CADM1: variants seen among roughly 807,000 people sequenced by gnomAD.
CADM1 encodes the protein TSLC-1.
CADM1 carries 15 observed loss-of-function variants against 53.1 expected under a neutral mutation model. The ratio of observed to expected loss-of-function variants is 0.28; its 90% CI spans 0.19 to 0.44. The LOEUF (loss-of-function observed/expected upper bound fraction) is 0.44. Ranked by LOEUF, CADM1 falls within the 20% of genes least tolerant of loss-of-function variation. The pLI, the probability that CADM1 is intolerant of heterozygous loss-of-function variation, is 1.00. For synonymous variants in CADM1, 281 were observed against 243.0 expected (o/e 1.16, Z -1.45); for missense variants, 434 against 611.3 (o/e 0.71, Z 3.06).
chr11:115,343,674 C>CCTTTATTT (rs1945504565), intron 1 of CADM1, among the ~76,000 whole-genome samples: 1 of 151,094 alleles, frequency 6.6e-6, no homozygotes, highest in African/African-American at 2.4e-5. Context: ...CATCATTTAT[C>CCTTTATTT]CTTTATTTCT....
At chr11:115,376,439 T>G (rs1203362409) in intron 1 of CADM1, among the ~76,000 whole-genome samples, 2 of 152,120 alleles carry the variant, frequency 1.3e-5, no homozygotes, top group Admixed American at 1.3e-4. Context: ...CTACATAGTT[T>G]CTACAAAAAA....
rs1949810849 is a variant in CADM1, at chr11:115,504,408, C to G, written c.-14G>C. ...TACACTCGCCATGTCGGGCACCTGC[C>G]TCAGACTGGCGGCGTTGGCTGCCTC... On this transcript the variant is annotated 5_prime_UTR_variant, in exon 1 of 12. Coordinates refer to ENST00000331581, the MANE Select transcript of CADM1 (RefSeq NM_001301043.2). 6.5e-7 allele frequency: 1 copy of G among 1,543,578 alleles called. No individual in the cohort carries two copies.
intron 1 of CADM1, among the ~76,000 whole-genome samples, chr11:115,244,540 G>A (rs761912625): frequency 6.6e-6 from 1 of 152,136 alleles, no homozygotes; most frequent in Non-Finnish European, 1.5e-5. Context: ...GGAGTTTTCA[G>A]TATCCCCGCT....
At chr11:115,339,289 A>G (rs1251748070) in intron 1 of CADM1, among the ~76,000 whole-genome samples, 1 of 152,102 alleles carries the variant, frequency 6.6e-6, no homozygotes, top group Non-Finnish European at 1.5e-5. Context: ...GTATATACCC[A>G]AAGGACTATA....
chr11:115,431,637 T>C (rs1227423238), intron 1 of CADM1, among the ~76,000 whole-genome samples: 2 of 152,114 alleles, frequency 1.3e-5, no homozygotes, highest in Non-Finnish European at 2.9e-5. Context: ...CTCTCCTCTC[T>C]GCCCAGATCT....
intron 1 of CADM1, chr11:115,397,475 A>G (rs1947029722): frequency 6.6e-6 from 1 of 152,188 alleles, no homozygotes; most frequent in Admixed American, 6.5e-5. Context: ...TAGTACAGCT[A>G]AGCACAAGGC....
At chr11:115,190,378 T>C (rs964895593) in intron 10 of CADM1, among the ~76,000 whole-genome samples, 42 of 152,120 alleles carry the variant, frequency 2.8e-4, no homozygotes, top group African/African-American at 8.5e-4. Flanking sequence ...TACATCATGG[T>C]GTGTGACAAA....
At chr11:115,390,304 C>G (rs540954129) in intron 1 of CADM1, among the ~76,000 whole-genome samples, 1 of 151,460 alleles carries the variant, frequency 6.6e-6, no homozygotes, top group South Asian at 2.1e-4. Flanking sequence ...TTCTACAAGT[C>G]GAACTGGACA....
intron 7 of CADM1, among the ~76,000 whole-genome samples, chr11:115,210,847 C>T (rs1345295366): frequency 6.6e-6 from 1 of 152,128 alleles, no homozygotes; most frequent in Non-Finnish European, 1.5e-5. Context: ...ATGATATCTA[C>T]CATCGATCAA....
At chr11:115,281,134 A>G (rs1046064897) in intron 1 of CADM1, among the ~76,000 whole-genome samples, 11 of 152,354 alleles carry the variant, frequency 7.2e-5, no homozygotes, top group Non-Finnish European at 1.3e-4. Context: ...GAAAAGGGCT[A>G]CAGAAAGAAC....
chr11:115,458,874 T>C (rs1405495371), intron 1 of CADM1, among the ~76,000 whole-genome samples: 1 of 152,178 alleles, frequency 6.6e-6, no homozygotes. Context: ...AAAGATCTAA[T>C]AGATTTTTTA....
At chr11:115,178,515 C>G in intron 11 of CADM1, 129 bp downstream of exon 11, 2 of 553,856 alleles carry the variant, frequency 3.6e-6, no homozygotes, top group Non-Finnish European at 6.7e-6. Flanking sequence ...TCTCTCTCTT[C>G]CAGTTTCAGG....
Position 115,253,883 on chromosome 11 carries a change from G to C in CADM1, c.125-13463C>G, listed in dbSNP as rs565897582. 1.5e-4 allele frequency among the ~76,000 whole-genome samples: 23 copies of C among 152,196 alleles called. 1 individual carries two copies. In the South Asian group the frequency reaches 3.9e-3, roughly 26 times the overall value. On this transcript the variant is annotated intron_variant, in intron 1 of 11. Coordinates refer to ENST00000331581, the MANE Select transcript of CADM1 (RefSeq NM_001301043.2). Reference sequence around the variant, plus strand: ...TAGCTCTGTGATTATTTGTTTATAGGGTTATTTCCTTCATTTGATTTTGAT... The same window carrying C: ...TAGCTCTGTGATTATTTGTTTATAGCGTTATTTCCTTCATTTGATTTTGAT...
In CADM1 at chr11:115,229,247, G is replaced by A. The variant is rs1941730318; in HGVS notation, c.587C>T (p.Ser196Leu). ...LKGKSEVEEW[S>L]DMYTVTSQLM... is the part of the protein sequence containing the mutation. Reference sequence around the variant, plus strand: ...CTGACTGGTCACAGTGTACATGTCTGACCACTCTTCCACCTCCGATTTGCC... The same window carrying A: ...CTGACTGGTCACAGTGTACATGTCTAACCACTCTTCCACCTCCGATTTGCC... Residue 196 changes from serine to leucine, a missense_variant, in exon 5 of 12, where the codon TCA (serine) becomes TTA (leucine). By Grantham distance (145) the Ser-to-Leu change is moderately radical. Transcript: ENST00000331581. 6.2e-7 allele frequency: 1 copy of A among 1,613,968 alleles called. No homozygotes were observed. The highest frequency in any genetic ancestry group is 1.3e-5 in the African/African-American group (1 of 74,906).
chr11:115,444,934 A>G (rs1034719982), intron 1 of CADM1, among the ~76,000 whole-genome samples: 5 of 152,326 alleles, frequency 3.3e-5, no homozygotes, highest in Middle Eastern at 3.4e-3. Flanking sequence ...TGCAGGGGGC[A>G]GGCACGTGGA....
At chr11:115,258,655 T>A (rs1197920653) in intron 1 of CADM1, among the ~76,000 whole-genome samples, 2 of 152,230 alleles carry the variant, frequency 1.3e-5, no homozygotes, top group Non-Finnish European at 2.9e-5. Flanking sequence ...ACCAAGAAGC[T>A]AAAACTCTAC....
intron 1 of CADM1, among the ~76,000 whole-genome samples, chr11:115,503,468 G>A (rs1949777718): frequency 6.6e-6 from 1 of 152,098 alleles, no homozygotes; most frequent in Non-Finnish European, 1.5e-5. Flanking sequence ...GGGCAGCCGG[G>A]AAATCCCGTG....
At chr11:115,310,935 T>C (rs968082499) in intron 1 of CADM1, among the ~76,000 whole-genome samples, 4 of 152,198 alleles carry the variant, frequency 2.6e-5, no homozygotes, top group Admixed American at 1.3e-4. Flanking sequence ...TTCAGTGTTT[T>C]GTGCAAGCTT....
chr11:115,454,758 A>G (rs1948647630), intron 1 of CADM1, among the ~76,000 whole-genome samples: 2 of 152,194 alleles, frequency 1.3e-5, no homozygotes. Context: ...TGGTCTTTCC[A>G]AGAGTTCATT....
Sources: allele counts gnomAD v4.1 joint callset (sites outside exome capture counted in the v4.1 genomes callset), GRCh38; gene constraint gnomAD v4.1.1; transcripts MANE v1.5; gene names NCBI Gene and HGNC (gene_info 2026-07-23, HGNC 2026-07-21).